Variants in PRDM16 observed in about 807,000 individuals in gnomAD.
The protein encoded by PRDM16 is histone-lysine N-methyltransferase PRDM16.
In PRDM16, 23 loss-of-function variants were observed where a neutral mutation model predicts 110.6. The ratio of observed to expected loss-of-function variants is 0.21; its 90% CI spans 0.15 to 0.29. The LOEUF is 0.29. Among genes scored for constraint, PRDM16 ranks in the 10% least tolerant of loss-of-function variants. PRDM16 has a pLI of 1.00. For synonymous variants in PRDM16, 799 were observed against 781.8 expected (o/e 1.02, Z -0.37); for missense variants, 1,615 against 1,794.3 (o/e 0.90, Z 1.81).
rs1642462700 is a variant in PRDM16 at position 3,350,595 on chromosome 1, A to C, written c.439-34557A>C. On this transcript the variant is annotated intron_variant, in intron 3 of 16. Transcript: ENST00000270722. This position sits in a 1 kb window ranked among gnomAD's most constrained non-coding sequence, Gnocchi z 7.1. Reference sequence around the variant, plus strand: ...TGGCAGGCAGCTGTGGGCGGGTGGAAAGCAGAGCTGGGAGCCAGCCCTGCC... The same window carrying C: ...TGGCAGGCAGCTGTGGGCGGGTGGACAGCAGAGCTGGGAGCCAGCCCTGCC... Among the ~76,000 whole-genome samples, 1 of 152,044 alleles carries C rather than the reference A, an allele frequency of 6.6e-6. No individual in the cohort carries two copies. The highest frequency in any genetic ancestry group is 2.4e-5 in the African/African-American group (1 of 41,406).
intron 16 of PRDM16, among the ~76,000 whole-genome samples, chr1:3,432,695 T>C (rs544035486): frequency 1.3e-5 from 2 of 152,292 alleles, no homozygotes; most frequent in East Asian, 1.9e-4. Flanking sequence ...TTCAGCACTC[T>C]ACAGCCCTCC....
At chr1:3,369,992 G>A (rs564667519) in intron 3 of PRDM16, among the ~76,000 whole-genome samples, 1 of 152,168 alleles carries the variant, frequency 6.6e-6, no homozygotes, top group Non-Finnish European at 1.5e-5. Flanking sequence ...AGCTCCTCCA[G>A]CCCGGCGTGT....
Position 3,370,906 on chromosome 1 carries a change from C to A in PRDM16, c.439-14246C>A, listed in dbSNP as rs1320222099. Among the ~76,000 whole-genome samples, 2 of 149,050 alleles carry A rather than the reference C, an allele frequency of 1.3e-5. No homozygotes were observed. The highest frequency in any genetic ancestry group is 3.0e-5 in the Non-Finnish European group (2 of 67,284). ...ACCCATCCACCATCCATTCATCCATCCATCCATCCATGCATCCACTGAATA... is the reference window on the plus strand; with the variant it reads ...ACCCATCCACCATCCATTCATCCATACATCCATCCATGCATCCACTGAATA... On this transcript the variant is annotated intron_variant, in intron 3 of 16. Coordinates refer to ENST00000270722, the MANE Select transcript of PRDM16 (RefSeq NM_022114.4). The surrounding 1 kb of genome is among the most constrained non-coding windows in gnomAD (Gnocchi z 4.8).
At chr1:3,410,544 C>T (rs754054761) in intron 8 of PRDM16, among the ~76,000 whole-genome samples, 3 of 152,182 alleles carry the variant, frequency 2.0e-5, no homozygotes, top group Non-Finnish European at 2.9e-5. Context: ...CCCCAAAGTC[C>T]GGGATCCCCG....
At chr1:3,174,181 C>T (rs1042900347) in intron 1 of PRDM16, among the ~76,000 whole-genome samples, 2 of 152,126 alleles carry the variant, frequency 1.3e-5, no homozygotes, top group African/African-American at 4.8e-5. Flanking sequence ...TTCCTTGGCT[C>T]GGGGCAAATC....
At chr1:3,154,400 A>G (rs1276373846) in intron 1 of PRDM16, among the ~76,000 whole-genome samples, 1 of 152,172 alleles carries the variant, frequency 6.6e-6, no homozygotes, top group Non-Finnish European at 1.5e-5. Flanking sequence ...TTCTATAGGA[A>G]TAACTTGAAA....
chr1:3,233,485 G>GCTCA (rs2100891200), intron 2 of PRDM16, among the ~76,000 whole-genome samples: 1 of 152,326 alleles, frequency 6.6e-6, no homozygotes, highest in Non-Finnish European at 1.5e-5. Context: ...GGCGCAAAGG[G>GCTCA]CTCAGGCTGA....
Position 3,433,709 on chromosome 1 carries a change from C to T in PRDM16, c.3729C>T (p.Asp1243=), listed in dbSNP as rs1198367549. Residue 1243 remains aspartate (D), a synonymous_variant, in exon 17 of 17, where the codon GAC becomes GAT. Coordinates refer to ENST00000270722, the MANE Select transcript of PRDM16 (RefSeq NM_022114.4). ...CAATGATGCTGTCCCTTTCCGAAGACACTCCTCTCCACACCCCCTCCCAGG... is the reference window on the plus strand; with the variant it reads ...CAATGATGCTGTCCCTTTCCGAAGATACTCCTCTCCACACCCCCTCCCAGG... ...AYAMMLSLSE[D]TPLHTPSQGS... is the part of the protein sequence containing the mutation. 1.9e-6 allele frequency: 3 copies of T among 1,613,878 alleles called. No homozygotes were observed. Among genetic ancestry groups the T allele is most frequent in the Admixed American group, 3.3e-5 (2 of 60,008 alleles).
intron 1 of PRDM16, among the ~76,000 whole-genome samples, chr1:3,156,677 G>T (rs1051419060): frequency 6.6e-6 from 1 of 152,204 alleles, no homozygotes; most frequent in Non-Finnish European, 1.5e-5. Context: ...GACCAGAGAA[G>T]GTTGGACCCG....
At chr1:3,374,716 G>C (rs1430833664) in intron 3 of PRDM16, among the ~76,000 whole-genome samples, 1 of 152,226 alleles carries the variant, frequency 6.6e-6, no homozygotes, top group Non-Finnish European at 1.5e-5. Flanking sequence ...CTGTTCACTG[G>C]GTGCCCCTCT....
chr1:3,181,348 G>GCGGTCTTACACAAGCA (rs1191705184), intron 1 of PRDM16, among the ~76,000 whole-genome samples: 9 of 20,514 alleles, frequency 4.4e-4, no homozygotes, highest in South Asian at 2.9e-3. Context: ...TCTTACACAC[G>GCGGTCTTACACAAGCA]GTCTTACACA....
intron 3 of PRDM16, among the ~76,000 whole-genome samples, chr1:3,340,680 A>G (rs1327342055): frequency 6.6e-6 from 1 of 152,148 alleles, no homozygotes; most frequent in African/African-American, 2.4e-5. Context: ...GGGCCTGAAA[A>G]TTCAGCAGCC....
chr1:3,228,491 AAAGGGAGCTCTGGGCCAGCCC>A lies in PRDM16; in HGVS notation c.388-15595_388-15575del, dbSNP rs530519295. Among the ~76,000 whole-genome samples the A allele has an allele frequency of 3.3e-5, 5 of 152,316 alleles. No homozygotes were observed. The East Asian group carries it at 9.7e-4, about 29-fold the overall frequency. On this transcript the variant is annotated intron_variant, in intron 2 of 16. Transcript: ENST00000270722. ...TAACGCTGTTGGTCTCCTGCGGCCCAAAGGGAGCTCTGGGCCAGCCCCAGGGAGGAAGTCCTGTGCCAGGCT... is the reference window on the plus strand; with the variant it reads ...TAACGCTGTTGGTCTCCTGCGGCCCACAGGGAGGAAGTCCTGTGCCAGGCT...
rs748037818 is a variant in PRDM16, at chr1:3,071,977, G to A, written c.37+2681G>A. ...AAGGGCCAAATGGTGGCGGCTCCGG[G>A]GGTGACCCGGGCTTCCAGCTGAGCT... On this transcript the variant is annotated intron_variant, in intron 1 of 16. Transcript: ENST00000270722. Among the ~76,000 whole-genome samples, 125 of 152,330 alleles carry A rather than the reference G, an allele frequency of 8.2e-4. 1 individual carries two copies. The highest frequency in any genetic ancestry group is 2.9e-3 in the African/African-American group (119 of 41,578).
intron 2 of PRDM16, among the ~76,000 whole-genome samples, chr1:3,196,975 G>A (rs1178814567): frequency 6.6e-6 from 1 of 152,190 alleles, no homozygotes; most frequent in Non-Finnish European, 1.5e-5. Flanking sequence ...TTGCCCAGGG[G>A]GGTCTGTGCA....
Position 3,080,643 on chromosome 1 carries a change from C to A in PRDM16, c.37+11347C>A, listed in dbSNP as rs1379451360. ...CAATCCATTTTGCAAAAACGGGAGG[C>A]CCGGGCCCCTAAGCTTGCAGCCTGA... On this transcript the variant is annotated intron_variant, in intron 1 of 16. Transcript: ENST00000270722. The surrounding 1 kb of genome is among the most constrained non-coding windows in gnomAD (Gnocchi z 5.2). 6.6e-6 allele frequency among the ~76,000 whole-genome samples: 1 copy of A among 152,128 alleles called. No homozygotes were observed. Among genetic ancestry groups the A allele is most frequent in the Non-Finnish European group, 1.5e-5 (1 of 68,028 alleles).
chr1:3,284,330 G>A (rs72632152), intron 3 of PRDM16, among the ~76,000 whole-genome samples: 4,139 of 152,372 alleles, frequency 0.027, 79 homozygotes, highest in Middle Eastern at 0.068. Flanking sequence ...GGTTCCTGGA[G>A]TGTGTTTTTT....
At chr1:3,296,891 G>C (rs980471912) in intron 3 of PRDM16, among the ~76,000 whole-genome samples, 4 of 152,170 alleles carry the variant, frequency 2.6e-5, no homozygotes. Flanking sequence ...CAAACCCACC[G>C]AGCAGCACGG....
chr1:3,182,831 C>T (rs1018624297), intron 1 of PRDM16, among the ~76,000 whole-genome samples: 10 of 152,166 alleles, frequency 6.6e-5, no homozygotes, highest in South Asian at 6.2e-4. Flanking sequence ...ACTGGCAGAT[C>T]GGGAGGTGCT....
Sources: gnomAD v4.1 joint callset for allele counts (sites outside exome capture counted in the v4.1 genomes callset) on GRCh38, gnomAD v4.1.1 for gene constraint, Gnocchi (gnomAD v3.1) non-coding constraint, MANE v1.5 for transcripts, NCBI Gene and HGNC (gene_info 2026-07-23, HGNC 2026-07-21) for gene names.